The following ARAP2 variants were observed in gnomAD, a reference collection of about 807,000 sequenced individuals.
ARAP2 encodes arf-GAP with Rho-GAP domain, ANK repeat and PH domain-containing protein 2.
In ARAP2, 148 loss-of-function variants were observed where a neutral mutation model predicts 194.5. That is an observed-to-expected ratio of 0.76 (90% confidence interval 0.67 to 0.87). ARAP2 has a LOEUF of 0.87. Among genes scored for constraint, ARAP2 ranks in the 40% least tolerant of loss-of-function variants. The probability of loss-of-function intolerance (pLI) is 0.00; values close to 1 mark genes in which losing one functional copy is unlikely to be tolerated. For missense variants in ARAP2, 2,128 were observed against 1,989.7 expected, an observed-to-expected ratio of 1.07 and a Z score of -1.32; for synonymous variants, 695 against 683.5, an observed-to-expected ratio of 1.02 and a Z score of -0.26.
In ARAP2 at chr4:36,210,546, T is replaced by C. The variant is rs1746532646; in HGVS notation, c.1331A>G (p.Asp444Gly). The C allele has an allele frequency of 6.2e-7, 1 of 1,613,684 alleles. No individual in the cohort carries two copies. Among genetic ancestry groups the C allele is most frequent in the Middle Eastern group, 1.6e-4 (1 of 6,084 alleles). ...KSRTQKALIL[D>G]SVNRHSYPLS... is the part of the protein sequence containing the mutation. Reference sequence around the variant, plus strand: ...CGGATAACTGTGCCTATTAACGGAGTCCAAAATCAAGGCTTTTTGAGTCCT... The same window carrying C: ...CGGATAACTGTGCCTATTAACGGAGCCCAAAATCAAGGCTTTTTGAGTCCT... Residue 444 changes from aspartate (D) to glycine (G), a missense_variant, in exon 6 of 33, where the codon GAC becomes GGC. Physicochemically the swap from Asp to Gly is moderately conservative, Grantham distance 94 (BLOSUM62 -1). Coordinates refer to ENST00000303965, the MANE Select transcript of ARAP2 (RefSeq NM_015230.4).
At chr4:36,015,692 C>G (rs1715656465) in intron 7 of ARAP2, 1 of 152,190 alleles carries the variant, frequency 6.6e-6, no homozygotes, top group Non-Finnish European at 1.5e-5. Context: ...CCACCACATT[C>G]TACTGGTCAA....
At chr4:36,107,852 T>C (rs181134915) in intron 26 of ARAP2, among the ~76,000 whole-genome samples, 159 bp from the exon 27 acceptor site, 1 of 152,080 alleles carries the variant, frequency 6.6e-6, no homozygotes, top group Admixed American at 6.6e-5. Flanking sequence ...GCACTATGAC[T>C]ATGTAAAAGA....
intron 10 of ARAP2, among the ~76,000 whole-genome samples, chr4:36,165,821 A>G (rs988972083): frequency 4.6e-5 from 7 of 152,176 alleles, no homozygotes; most frequent in Non-Finnish European, 8.8e-5. Context: ...AGTGCTACAT[A>G]CTTGGTCAAT....
chr4:36,128,481 C>CACACAT (rs1161283569), intron 21 of ARAP2, 52 bp downstream of exon 21: 1 of 1,310,234 alleles, frequency 7.6e-7, no homozygotes, highest in Non-Finnish European at 1.1e-6. Context: ...ATATTATACA[C>CACACAT]ACACACACAC....
Position 36,242,462 on chromosome 4 carries a change from AAAC to A in ARAP2, c.-160+1714_-160+1716del, listed in dbSNP as rs532520114. The stretch of plus-strand genomic sequence containing the variant: ...AGGTGGGTTAGAAAGTAACAAAACG[AAAC>A]AACAACAACAACAAAAAACTTCTCA... On this transcript the variant is annotated intron_variant, in intron 1 of 32. Transcript: ENST00000303965. 2.1e-4 allele frequency among the ~76,000 whole-genome samples: 32 copies of A among 152,278 alleles called. No homozygotes were observed. In the South Asian group the frequency reaches 5.8e-3, roughly 28 times the overall value.
chr4:36,071,419 T>C (rs1560364052), intron 32 of ARAP2, among the ~76,000 whole-genome samples: 2 of 152,182 alleles, frequency 1.3e-5, no homozygotes. Context: ...TCTTCATGTG[T>C]GATTTCCTCG....
intron 28 of ARAP2, among the ~76,000 whole-genome samples, chr4:36,090,392 TA>T (rs1339794156): frequency 3.3e-5 from 5 of 152,128 alleles, no homozygotes; most frequent in African/African-American, 1.2e-4. Flanking sequence ...GACTCCTTCC[TA>T]ACTCATTCTA....
At chr4:36,114,480 A>G (rs1310885633) in intron 25 of ARAP2, among the ~76,000 whole-genome samples, 193 bp from the exon 26 acceptor site, 1 of 152,034 alleles carries the variant, frequency 6.6e-6, no homozygotes, top group African/African-American at 2.4e-5. Context: ...CATAAGTACA[A>G]AAAGAGATCA....
intron 28 of ARAP2, among the ~76,000 whole-genome samples, chr4:36,090,514 T>G (rs764758450): frequency 6.6e-6 from 1 of 152,046 alleles, no homozygotes; most frequent in Non-Finnish European, 1.5e-5. Context: ...AACAAAATAG[T>G]GGCAAATTGA....
chr4:36,137,397 G>A (rs750578312), intron 19 of ARAP2, among the ~76,000 whole-genome samples: 44 of 151,760 alleles, frequency 2.9e-4, no homozygotes, highest in East Asian at 5.8e-4. Context: ...ATGCATAATC[G>A]CACATATGTA....
intron 13 of ARAP2, 162 bp downstream of exon 13, chr4:36,160,297 T>C (rs376169607): frequency 3.2e-6 from 4 of 1,231,824 alleles, no homozygotes; most frequent in African/African-American, 3.2e-5. Flanking sequence ...AATCCTTAAA[T>C]GAAACAAGGG....
intron 7 of ARAP2, among the ~76,000 whole-genome samples, chr4:36,191,119 C>G (rs541059576): frequency 6.6e-6 from 1 of 152,288 alleles, no homozygotes; most frequent in East Asian, 1.9e-4. Flanking sequence ...TGCCTAAAAA[C>G]ATTTACAGTT....
chr4:36,188,272 TTA>T (rs1741020670), intron 7 of ARAP2, among the ~76,000 whole-genome samples: 1 of 152,198 alleles, frequency 6.6e-6, no homozygotes, highest in Admixed American at 6.5e-5. Context: ...TTTCAACTCT[TTA>T]TGTTTTCTGG....
intron 10 of ARAP2, among the ~76,000 whole-genome samples, chr4:36,165,325 C>T (rs1176242718): frequency 6.6e-6 from 1 of 152,150 alleles, no homozygotes; most frequent in Admixed American, 6.5e-5. Context: ...TTTGTTTATG[C>T]ATCTTGAACC....
chr4:36,129,824 C>T (rs1724962217), intron 20 of ARAP2, among the ~76,000 whole-genome samples: 1 of 147,374 alleles, frequency 6.8e-6, no homozygotes, highest in Admixed American at 6.9e-5. Context: ...ATACACATAC[C>T]ATTACATATA....
chr4:36,225,456 C>T (rs1750108157), intron 2 of ARAP2, among the ~76,000 whole-genome samples: 1 of 151,926 alleles, frequency 6.6e-6, no homozygotes, highest in African/African-American at 2.4e-5. Flanking sequence ...GGAGGGCTCC[C>T]AGGGACTAGC....
At chr4:36,181,872 TG>T (rs563920634) in intron 8 of ARAP2, among the ~76,000 whole-genome samples, 1 of 152,022 alleles carries the variant, frequency 6.6e-6, no homozygotes, top group South Asian at 2.1e-4. Flanking sequence ...AAACACAAGA[TG>T]GGGGGCCCAG....
intron 2 of ARAP2, among the ~76,000 whole-genome samples, chr4:36,226,207 T>A (rs1750271106): frequency 6.6e-6 from 1 of 152,124 alleles, no homozygotes; most frequent in Admixed American, 6.5e-5. Flanking sequence ...TTACTACTAA[T>A]TTTAATGTTT....
intron 5 of ARAP2, among the ~76,000 whole-genome samples, chr4:36,036,342 C>G (rs958862494): frequency 2.0e-5 from 3 of 151,938 alleles, no homozygotes; most frequent in Non-Finnish European, 4.4e-5. Flanking sequence ...TAACTTGGCT[C>G]AATAACATTT....
Sources: allele counts gnomAD v4.1 joint callset (sites outside exome capture counted in the v4.1 genomes callset), GRCh38; gene constraint gnomAD v4.1.1; transcripts MANE v1.5; gene names NCBI Gene and HGNC (gene_info 2026-07-23, HGNC 2026-07-21).